The following SLMAP variants were observed in gnomAD, a reference collection of about 807,000 sequenced individuals.
The protein encoded by SLMAP is sarcolemma associated protein.
Under a neutral mutation model 128.8 loss-of-function variants are expected in SLMAP, and 44 were observed. That is an observed-to-expected ratio of 0.34 (90% CI 0.27 to 0.44). The LOEUF (loss-of-function observed/expected upper bound fraction) is 0.44. SLMAP is among the 20% of genes least tolerant of loss of function. The pLI, the probability that SLMAP is intolerant of heterozygous loss-of-function variation, is 1.00. For synonymous variants in SLMAP, 327 were observed against 348.8 expected, an observed-to-expected ratio of 0.94 and a Z score of 0.70; for missense variants, 787 against 985.3, an observed-to-expected ratio of 0.80 and a Z score of 2.69.
chr3:57,864,134 G>A (rs1235374112), intron 10 of SLMAP, among the ~76,000 whole-genome samples: 5 of 152,120 alleles, frequency 3.3e-5, no homozygotes, highest in Non-Finnish European at 4.4e-5. Context: ...TTAGCCGGGC[G>A]CAGTGGCTCA....
At chr3:57,874,103 A>G (rs1168979489) in intron 14 of SLMAP, among the ~76,000 whole-genome samples, 2 of 152,198 alleles carry the variant, frequency 1.3e-5, no homozygotes, top group African/African-American at 4.8e-5. Context: ...GGCCTGGGCA[A>G]CAGAGTGAGA....
intron 2 of SLMAP, among the ~76,000 whole-genome samples, chr3:57,810,440 C>T (rs2090756953): frequency 1.3e-5 from 2 of 152,252 alleles, no homozygotes; most frequent in African/African-American, 4.8e-5. Context: ...AGGTTTCTGG[C>T]CAGAAAAGCG....
chr3:57,882,601 A>C (rs2095775740), intron 14 of SLMAP, among the ~76,000 whole-genome samples: 1 of 152,242 alleles, frequency 6.6e-6, no homozygotes, highest in Non-Finnish European at 1.5e-5. Context: ...ATTATAAGGG[A>C]AATTAGCCAT....
chr3:57,792,301 CA>C (rs768975688), intron 2 of SLMAP, among the ~76,000 whole-genome samples: 57 of 151,934 alleles, frequency 3.8e-4, no homozygotes, highest in Non-Finnish European at 6.3e-4. Flanking sequence ...TTAGCTGAAA[CA>C]GTCATTGTTA....
chr3:57,813,968 T>G (rs1422069327), intron 2 of SLMAP, among the ~76,000 whole-genome samples: 1 of 152,142 alleles, frequency 6.6e-6, no homozygotes, highest in East Asian at 1.9e-4. Context: ...TGTCTTTTTT[T>G]TTTTAATGGA....
intron 2 of SLMAP, among the ~76,000 whole-genome samples, chr3:57,768,167 T>C (rs1466869424): frequency 1.3e-5 from 2 of 152,216 alleles, no homozygotes; most frequent in Admixed American, 6.5e-5. Context: ...GGAAAGCTTA[T>C]ATAGGCACTT....
rs997857376 is a variant in SLMAP, at chr3:57,909,063, T to G, written c.1625-13T>G. ...CACAAAACTATTAATAGATACTGTG[T>G]TTTTACTTTTAGCTCTTTTGGAAGA... On this transcript the variant is annotated splice_polypyrimidine_tract_variant and intron_variant, in intron 18 of 24. Transcript: ENST00000671191. The G allele has an allele frequency of 1.4e-5, 22 of 1,585,186 alleles. No individual in the cohort carries two copies. The African/African-American group carries it at 2.6e-4, about 19-fold the overall frequency.
At chr3:57,759,490 G>A (rs1034315720) in intron 2 of SLMAP, among the ~76,000 whole-genome samples, 5 of 151,974 alleles carry the variant, frequency 3.3e-5, no homozygotes, top group South Asian at 2.1e-4. Flanking sequence ...TTGGCCAGGC[G>A]GTCTTGAACT....
intron 2 of SLMAP, among the ~76,000 whole-genome samples, chr3:57,775,772 T>C (rs2081799144): frequency 6.6e-6 from 1 of 152,134 alleles, no homozygotes; most frequent in Non-Finnish European, 1.5e-5. Flanking sequence ...CAGTCTTGGC[T>C]CACTGCAACC....
At chr3:57,885,768 G>GTT (rs2095866001) in intron 14 of SLMAP, among the ~76,000 whole-genome samples, 1 of 88,284 alleles carries the variant, frequency 1.1e-5, no homozygotes, top group Non-Finnish European at 2.4e-5. Flanking sequence ...TCGGTTTTTG[G>GTT]TTCTTTTTTT....
At chr3:57,896,380 T>A in intron 15 of SLMAP, 131 bp from the exon 16 acceptor site, 1 of 1,399,496 alleles carries the variant, frequency 7.1e-7, no homozygotes, top group Non-Finnish European at 9.3e-7. Flanking sequence ...AAGTAAGAGA[T>A]TCAGTGACCT....
intron 2 of SLMAP, among the ~76,000 whole-genome samples, chr3:57,778,470 A>G (rs2361350): frequency 0.89 from 132,300 of 149,358 alleles, 58,483 homozygotes; most frequent in East Asian, 1. Context: ...TTATTTTTCT[A>G]TTTTCTATTT....
chr3:57,896,504 T>C lies in SLMAP; in HGVS notation c.1361-7T>C. The C allele has an allele frequency of 6.3e-7, 1 of 1,592,764 alleles. No individual in the cohort carries two copies. Among genetic ancestry groups the C allele is most frequent in the Non-Finnish European group, 8.5e-7 (1 of 1,172,898 alleles). Reference sequence around the variant, plus strand: ...ATAAGATTTTACTTTTATTTTTTTCTTGGTAGAAAATCAGACAAGAGCAAA... The same window carrying C: ...ATAAGATTTTACTTTTATTTTTTTCCTGGTAGAAAATCAGACAAGAGCAAA... On this transcript the variant is annotated splice_polypyrimidine_tract_variant and splice_region_variant and intron_variant, in intron 15 of 24. Transcript: ENST00000671191.
In SLMAP at chr3:57,775,285, G is replaced by C. The variant is rs531205300; in HGVS notation, c.198+17436G>C. ...TCTCGATCTCCTGACCTTGTGATCC[G>C]CCCACCCCGGCCTCCCAAAGTGCTG... On this transcript the variant is annotated intron_variant, in intron 2 of 24. Coordinates refer to ENST00000671191, the MANE Select transcript of SLMAP (RefSeq NM_001377540.1). Among the ~76,000 whole-genome samples the C allele has an allele frequency of 7.5e-4, 114 of 151,572 alleles. 1 individual carries two copies. Among genetic ancestry groups the C allele is most frequent in the African/African-American group, 2.3e-3 (94 of 41,382 alleles).
At chr3:57,805,209 C>T (rs1239222921) in intron 2 of SLMAP, among the ~76,000 whole-genome samples, 1 of 152,018 alleles carries the variant, frequency 6.6e-6, no homozygotes, top group East Asian at 1.9e-4. Context: ...ATGTGTGTTC[C>T]TAAATGTTCA....
At chr3:57,834,783 ATAAT>A (rs1476987003) in intron 3 of SLMAP, among the ~76,000 whole-genome samples, 5 of 152,112 alleles carry the variant, frequency 3.3e-5, no homozygotes, top group African/African-American at 9.7e-5. Context: ...AAAGAAAACT[ATAAT>A]TAATTTTATT....
At chr3:57,907,349 G>T (rs1210713241) in intron 17 of SLMAP, among the ~76,000 whole-genome samples, 1 of 152,212 alleles carries the variant, frequency 6.6e-6, no homozygotes, top group Non-Finnish European at 1.5e-5. Context: ...ATATGTGCGT[G>T]TTGGGGAAAT....
In SLMAP at chr3:57,886,464, A is replaced by G. The variant is rs563428725; in HGVS notation, c.1301-3577A>G. ...AAAGATGGTATTTTTTAAAGGAGCA[A>G]AATGCAAATAGAATTTTTGAAAGCT... On this transcript the variant is annotated intron_variant, in intron 14 of 24. Transcript: ENST00000671191. 1.2e-4 allele frequency among the ~76,000 whole-genome samples: 19 copies of G among 152,298 alleles called. No individual in the cohort carries two copies. In the South Asian group the frequency reaches 3.9e-3, roughly 32 times the overall value.
Position 57,885,771 on chromosome 3 carries a change from C to CTTTTTTTT in SLMAP, c.1301-4247_1301-4240dup, listed in dbSNP as rs35541333. 2.5e-3 allele frequency among the ~76,000 whole-genome samples: 135 copies of CTTTTTTTT among 53,584 alleles called. 19 individuals are homozygous for CTTTTTTTT. Among genetic ancestry groups the CTTTTTTTT allele is most frequent in the Non-Finnish European group, 3.8e-3 (114 of 30,200 alleles). 35.2% of individuals were successfully genotyped at this position (53,584 alleles called of 152,430 possible). On this transcript the variant is annotated intron_variant, in intron 14 of 24. Coordinates refer to ENST00000671191, the MANE Select transcript of SLMAP (RefSeq NM_001377540.1). ...TTGTTTTGCTTTTCGGTTTTTGGTT[C>CTTTTTTTT]TTTTTTTTTTTTTTTTTTTTTTTTT...
Sources: gnomAD v4.1 joint callset for allele counts (sites outside exome capture counted in the v4.1 genomes callset) on GRCh38, gnomAD v4.1.1 for gene constraint, MANE v1.5 for transcripts, NCBI Gene and HGNC (gene_info 2026-07-23, HGNC 2026-07-21) for gene names.